DEPTOR: variants seen among roughly 807,000 people sequenced by gnomAD.
The protein encoded by DEPTOR is DEP domain containing MTOR interacting protein.
DEPTOR carries 41 observed loss-of-function variants against 41.6 expected under a neutral mutation model. That is an observed-to-expected ratio of 0.98 (90% CI 0.77 to 1.28). The LOEUF is 1.28. DEPTOR is among the 50% of genes most tolerant of loss of function. The pLI is 0.00. For missense variants in DEPTOR, 514 were observed against 527.9 expected (o/e 0.97, Z 0.26); for synonymous variants, 195 against 192.3 (o/e 1.01, Z -0.12).
In DEPTOR at chr8:120,029,134, T is replaced by C. The variant is rs183721149; in HGVS notation, c.1101+20001T>C. 3.4e-3 allele frequency among the ~76,000 whole-genome samples: 520 copies of C among 152,200 alleles called. 1 individual carries two copies. Among genetic ancestry groups the C allele is most frequent in the African/African-American group, 0.011 (474 of 41,546 alleles). On this transcript the variant is annotated intron_variant, in intron 8 of 8. Coordinates refer to ENST00000286234, the MANE Select transcript of DEPTOR (RefSeq NM_022783.4). ...CTTGGTTACTTTGAATTGTCATACT[T>C]GTGCCATATGACATGCAGGACACCT...
chr8:119,889,668 G>GGA, intron 1 of DEPTOR, among the ~76,000 whole-genome samples: 1 of 114,500 alleles, frequency 8.7e-6, no homozygotes, highest in Admixed American at 9.2e-5. Context: ...GGGGAGGGGA[G>GGA]GGGAGAGGAG....
At chr8:119,892,931 C>A (rs184099301) in intron 1 of DEPTOR, among the ~76,000 whole-genome samples, 1 of 152,006 alleles carries the variant, frequency 6.6e-6, no homozygotes. Flanking sequence ...TACAGACACA[C>A]GCCACCATGC....
intron 3 of DEPTOR, among the ~76,000 whole-genome samples, chr8:119,950,438 C>G (rs796554281): frequency 7.2e-5 from 11 of 151,766 alleles, no homozygotes; most frequent in African/African-American, 2.7e-4. Context: ...TTTTTTGAGA[C>G]GAAGTCTTGC....
chr8:119,952,610 T>TC (rs1055146613), intron 3 of DEPTOR, among the ~76,000 whole-genome samples: 2 of 152,110 alleles, frequency 1.3e-5, no homozygotes, highest in African/African-American at 4.8e-5. Flanking sequence ...TATGTGTTGT[T>TC]CCCCCCGGGC....
At chr8:119,939,522 C>T (rs1274678780) in intron 3 of DEPTOR, among the ~76,000 whole-genome samples, 1 of 152,170 alleles carries the variant, frequency 6.6e-6, no homozygotes, top group Non-Finnish European at 1.5e-5. Flanking sequence ...GAGTCTTATT[C>T]TGTCACCCAG....
At chr8:119,936,395 A>G (rs1446770174) in intron 3 of DEPTOR, among the ~76,000 whole-genome samples, 1 of 152,212 alleles carries the variant, frequency 6.6e-6, no homozygotes, top group Non-Finnish European at 1.5e-5. Flanking sequence ...ACCATGAGCT[A>G]CACAGAGCTT....
At chr8:120,046,914 C>G (rs1202431003) in intron 8 of DEPTOR, among the ~76,000 whole-genome samples, 25 of 152,214 alleles carry the variant, frequency 1.6e-4, no homozygotes, top group Non-Finnish European at 1.5e-5. Context: ...AATGAGTGTC[C>G]ATGCCATGTG....
chr8:120,011,348 C>T (rs536178795), intron 8 of DEPTOR, among the ~76,000 whole-genome samples: 1 of 152,344 alleles, frequency 6.6e-6, no homozygotes, highest in East Asian at 1.9e-4. Context: ...CGGTGCATGG[C>T]AGAGCCCTTC....
At chr8:120,046,234 G>A (rs574960633) in intron 8 of DEPTOR, among the ~76,000 whole-genome samples, 51 of 152,262 alleles carry the variant, frequency 3.3e-4, no homozygotes, top group African/African-American at 1.1e-3. Flanking sequence ...CATGTAAACT[G>A]TAGAATTCAG....
At chr8:120,005,838 G>A (rs1168643930) in intron 6 of DEPTOR, among the ~76,000 whole-genome samples, 1 of 152,168 alleles carries the variant, frequency 6.6e-6, no homozygotes, top group African/African-American at 2.4e-5. Flanking sequence ...ACAGCAGTGA[G>A]CTGATGTGAA....
chr8:119,898,277 T>G (rs1340250493), intron 1 of DEPTOR, among the ~76,000 whole-genome samples: 1 of 152,208 alleles, frequency 6.6e-6, no homozygotes, highest in African/African-American at 2.4e-5. Context: ...ATGTGTGTTG[T>G]GTACGTGTGT....
At chr8:119,952,136 A>AC (rs1203884080) in intron 3 of DEPTOR, among the ~76,000 whole-genome samples, 1 of 151,258 alleles carries the variant, frequency 6.6e-6, no homozygotes, top group East Asian at 1.9e-4. Flanking sequence ...ACTCTGTCTC[A>AC]AAAAAAAAGA....
intron 8 of DEPTOR, among the ~76,000 whole-genome samples, chr8:120,029,207 A>G (rs905500268): frequency 1.3e-5 from 2 of 152,144 alleles, no homozygotes; most frequent in Admixed American, 6.6e-5. Context: ...TTCATGTACC[A>G]TACCTAGTGA....
chr8:119,989,893 C>T (rs982906336), intron 4 of DEPTOR, among the ~76,000 whole-genome samples: 3 of 152,132 alleles, frequency 2.0e-5, no homozygotes, highest in African/African-American at 2.4e-5. Flanking sequence ...ATACTTTGAT[C>T]GGGCCTTTGG....
chr8:120,014,908 C>CTTT (rs11373732), intron 8 of DEPTOR, among the ~76,000 whole-genome samples: 98 of 150,686 alleles, frequency 6.5e-4, no homozygotes, highest in Non-Finnish European at 1.0e-3. Flanking sequence ...ATGATATAAT[C>CTTT]TTTTTTTTTT....
intron 3 of DEPTOR, among the ~76,000 whole-genome samples, chr8:119,944,131 C>T (rs1392602896): frequency 1.3e-5 from 2 of 152,164 alleles, no homozygotes; most frequent in African/African-American, 4.8e-5. Context: ...TTAGCCACCG[C>T]TCTGGGCCTA....
intron 1 of DEPTOR, among the ~76,000 whole-genome samples, chr8:119,886,502 T>G (rs537069031): frequency 6.7e-6 from 1 of 149,190 alleles, no homozygotes; most frequent in Non-Finnish European, 1.5e-5. Flanking sequence ...GACACACACA[T>G]ATACACACAG....
intron 1 of DEPTOR, among the ~76,000 whole-genome samples, chr8:119,925,073 T>C (rs1827946977): frequency 6.6e-6 from 1 of 152,104 alleles, no homozygotes; most frequent in Non-Finnish European, 1.5e-5. Flanking sequence ...GCAAGAAAAC[T>C]TGTGCAGCGA....
intron 3 of DEPTOR, among the ~76,000 whole-genome samples, chr8:119,956,385 C>A (rs1586631765): frequency 6.6e-6 from 1 of 152,334 alleles, no homozygotes; most frequent in East Asian, 1.9e-4. Flanking sequence ...CCAATCCAGG[C>A]AGGCATGCCA....
Sources: gnomAD v4.1 joint callset for allele counts (sites outside exome capture counted in the v4.1 genomes callset) on GRCh38, gnomAD v4.1.1 for gene constraint, MANE v1.5 for transcripts, NCBI Gene and HGNC (gene_info 2026-07-23, HGNC 2026-07-21) for gene names.